NUP210L: variants seen among roughly 807,000 people sequenced by gnomAD.
NUP210L encodes the protein nuclear pore membrane glycoprotein 210-like.
In NUP210L, 74 loss-of-function variants were observed where a neutral mutation model predicts 208.5. That is an observed-to-expected ratio of 0.35 (90% CI 0.29 to 0.43). The LOEUF is 0.43. NUP210L is among the 20% of genes least tolerant of loss of function. NUP210L has a pLI of 1.00. For missense variants in NUP210L, 1,843 were observed against 2,289.4 expected (o/e 0.81, Z 3.98); for synonymous variants, 780 against 816.9 (o/e 0.95, Z 0.77).
intron 16 of NUP210L, among the ~76,000 whole-genome samples, chr1:154,084,810 G>A (rs1299548750): frequency 6.7e-6 from 1 of 150,290 alleles, no homozygotes; most frequent in Non-Finnish European, 1.5e-5. Context: ...AAAGGCTGGG[G>A]TTGGGGGGAG....
chr1:154,137,984 A>T, intron 6 of NUP210L, 122 bp downstream of exon 6: 1 of 674,418 alleles, frequency 1.5e-6, no homozygotes, highest in Non-Finnish European at 2.3e-6. Flanking sequence ...TACAGCAATT[A>T]ACACTTTACC....
At chr1:154,127,553 CTTTT>C (rs10531787) in intron 8 of NUP210L, 136 bp from the exon 9 acceptor site, 3,908 of 183,350 alleles carry the variant, frequency 0.021, no homozygotes, top group Middle Eastern at 0.041. Context: ...AAAGTAGGTT[CTTTT>C]TTTTTTTTTT....
At chr1:154,133,275 A>C (rs759459824) in intron 7 of NUP210L, among the ~76,000 whole-genome samples, 1 of 152,120 alleles carries the variant, frequency 6.6e-6, no homozygotes, top group Non-Finnish European at 1.5e-5. Context: ...CTAGGTAAAG[A>C]CTGGGTGTGG....
chr1:154,011,385 G>A (rs376835941), intron 34 of NUP210L, among the ~76,000 whole-genome samples: 16 of 151,590 alleles, frequency 1.1e-4, no homozygotes, highest in African/African-American at 2.4e-4. Flanking sequence ...CACTGCACCC[G>A]GCTAATTTTT....
chr1:154,073,391 T>C (rs1057485700), intron 16 of NUP210L, among the ~76,000 whole-genome samples: 5 of 152,184 alleles, frequency 3.3e-5, no homozygotes, highest in African/African-American at 1.2e-4. Flanking sequence ...TCACATATGA[T>C]GGTGTGCACC....
intron 12 of NUP210L, among the ~76,000 whole-genome samples, chr1:154,109,282 A>T (rs1194761541): frequency 6.6e-6 from 1 of 151,678 alleles, no homozygotes; most frequent in Non-Finnish European, 1.5e-5. Context: ...GACAAACTAT[A>T]AAAAGAGAAA....
At chr1:153,996,655 A>G (rs1649884215) in intron 37 of NUP210L, among the ~76,000 whole-genome samples, 1 of 152,078 alleles carries the variant, frequency 6.6e-6, no homozygotes, top group Non-Finnish European at 1.5e-5. Context: ...TCCTGACCTC[A>G]GGTGATCCAC....
At chr1:154,130,379 T>C (rs1658183816) in intron 7 of NUP210L, among the ~76,000 whole-genome samples, 1 of 151,652 alleles carries the variant, frequency 6.6e-6, no homozygotes, top group African/African-American at 2.4e-5. Context: ...TTCAAGCGAT[T>C]CTTCTGCCTC....
At chr1:154,154,444 T>C (rs954943244) in intron 1 of NUP210L, among the ~76,000 whole-genome samples, 1 of 152,180 alleles carries the variant, frequency 6.6e-6, no homozygotes, top group Non-Finnish European at 1.5e-5. Context: ...AGAAATTTCC[T>C]CAGATATGGG....
intron 1 of NUP210L, among the ~76,000 whole-genome samples, chr1:154,154,495 A>C (rs1332133527): frequency 6.6e-6 from 1 of 152,180 alleles, no homozygotes; most frequent in African/African-American, 2.4e-5. Flanking sequence ...GGAAGTCATC[A>C]GTACCTGTGG....
chr1:154,147,125 T>C (rs1446537670), intron 2 of NUP210L, among the ~76,000 whole-genome samples: 1 of 152,154 alleles, frequency 6.6e-6, no homozygotes, highest in Non-Finnish European at 1.5e-5. Context: ...AAATGGTAGC[T>C]TTACAGTGGA....
chr1:154,010,061 A>G (rs992534741), exon 35 of NUP210L: 1 of 1,614,026 alleles, frequency 6.2e-7, no homozygotes, highest in Non-Finnish European at 8.5e-7. Flanking sequence ...ATGGCACAGC[A>G]TGAGGGTCGC....
chr1:154,056,881 G>C lies in NUP210L; in HGVS notation c.3174C>G (p.Thr1058=), dbSNP rs375791657. The change falls in exon 23 of 40, where the codon ACC becomes ACG. Residue 1058 remains threonine, a synonymous_variant. Transcript: ENST00000368559. ...TGTCCTTGGCAATAGCCACAAGTGT[G>C]GTTTGCCCAATAGTGGTAGCTCGAA... 4.0e-4 allele frequency: 641 copies of C among 1,607,254 alleles called. 2 individuals are homozygous for C. The highest frequency in any genetic ancestry group is 2.5e-3 in the Middle Eastern group (15 of 6,040).
chr1:154,012,086 A>G (rs1650960518), intron 34 of NUP210L, among the ~76,000 whole-genome samples, 158 bp downstream of exon 34: 1 of 152,134 alleles, frequency 6.6e-6, no homozygotes, highest in Admixed American at 6.6e-5. Context: ...TCTAGTCATA[A>G]TTTCTGAGGT....
intron 15 of NUP210L, among the ~76,000 whole-genome samples, chr1:154,094,214 C>T (rs1236391347): frequency 6.6e-6 from 1 of 152,060 alleles, no homozygotes; most frequent in Non-Finnish European, 1.5e-5. Flanking sequence ...ACCCGGAAGG[C>T]AGAGGTTGCA....
At chr1:154,096,660 T>C (rs1218958436) in intron 14 of NUP210L, among the ~76,000 whole-genome samples, 1 of 151,778 alleles carries the variant, frequency 6.6e-6, no homozygotes, top group Non-Finnish European at 1.5e-5. Context: ...CTTGGGAGGC[T>C]GAGGCAGGAG....
exon 20 of NUP210L, chr1:154,060,603 T>C (rs751346984): frequency 6.2e-7 from 1 of 1,613,400 alleles, no homozygotes; most frequent in East Asian, 2.2e-5. Context: ...TGCTGTTGAC[T>C]AAAAAATAAC....
intron 37 of NUP210L, among the ~76,000 whole-genome samples, chr1:153,998,082 T>C (rs981730090): frequency 1.3e-5 from 2 of 152,112 alleles, no homozygotes; most frequent in Admixed American, 1.3e-4. Context: ...GGATTCTTTT[T>C]TTTCTCTATA....
At chr1:154,118,978 C>T (rs1034240090) in intron 10 of NUP210L, among the ~76,000 whole-genome samples, 170 bp from the exon 11 acceptor site, 2 of 151,842 alleles carry the variant, frequency 1.3e-5, no homozygotes, top group Non-Finnish European at 2.9e-5. Flanking sequence ...AGCATAGTTG[C>T]TATGGTTCAA....
Sources: allele counts gnomAD v4.1 joint callset (sites outside exome capture counted in the v4.1 genomes callset), GRCh38; gene constraint gnomAD v4.1.1; transcripts MANE v1.5; gene names NCBI Gene and HGNC (gene_info 2026-07-23, HGNC 2026-07-21).